ACVR2B: variants seen among roughly 807,000 people sequenced by gnomAD.
The protein encoded by ACVR2B is activin receptor type-2B.
In ACVR2B, 18 loss-of-function variants were observed where a neutral mutation model predicts 65.1. That is an observed-to-expected ratio of 0.28 (90% CI 0.19 to 0.41). The LOEUF (loss-of-function observed/expected upper bound fraction) is 0.41. Among genes scored for constraint, ACVR2B ranks in the 10% least tolerant of loss-of-function variants. The pLI, the probability that ACVR2B is intolerant of heterozygous loss-of-function variation, is 1.00. For missense variants in ACVR2B, 482 were observed against 682.7 expected (o/e 0.71, Z 3.28); for synonymous variants, 298 against 277.7 (o/e 1.07, Z -0.73).
In ACVR2B at chr3:38,490,593, C is replaced by T. The variant is rs1451429889; in HGVS notation, c.*7261C>T. 6.6e-6 allele frequency: 1 copy of T among 152,516 alleles called. No homozygotes were observed. Among genetic ancestry groups the T allele is most frequent in the Non-Finnish European group, 1.5e-5 (1 of 68,008 alleles). 9.4% of individuals were successfully genotyped at this position (152,516 alleles called of 1,614,324 possible). On this transcript the variant is annotated 3_prime_UTR_variant, in exon 11 of 11. Transcript: ENST00000352511. ...AGCAACTGCTGTAAGCTTTTTTCTACTTGTCTTTTCTAGTCCCCAACCTCT... is the reference window on the plus strand; with the variant it reads ...AGCAACTGCTGTAAGCTTTTTTCTATTTGTCTTTTCTAGTCCCCAACCTCT...
rs753752958 is a variant in ACVR2B at position 38,478,371 on chromosome 3, C to A, written c.523-4C>A. ...AGACCTTTTTAAGCCTTGCTCTCCC[C>A]CAGGACCCTGGGCCTCCACCACCAT... On this transcript the variant is annotated splice_polypyrimidine_tract_variant and splice_region_variant and intron_variant, in intron 4 of 10. Coordinates refer to ENST00000352511, the MANE Select transcript of ACVR2B (RefSeq NM_001106.4). 2.5e-6 allele frequency: 4 copies of A among 1,613,958 alleles called. No homozygotes were observed. The highest frequency in any genetic ancestry group is 1.7e-6 in the Non-Finnish European group (2 of 1,179,988).
In ACVR2B at chr3:38,477,664, C is replaced by T. The variant is rs1258651383; in HGVS notation, c.260+170C>T. ...CCACACCCTATTTGTCCTACCTTAG[C>T]CCTGAGGAGGGGTCTCAGTGTCAAC... On this transcript the variant is annotated intron_variant, in intron 2 of 10. Transcript: ENST00000352511. The surrounding 1 kb of genome is among the most constrained non-coding windows in gnomAD (Gnocchi z 6.7). Among the ~76,000 whole-genome samples the T allele has an allele frequency of 2.0e-5, 3 of 152,170 alleles. No individual in the cohort carries two copies. The highest frequency in any genetic ancestry group is 4.4e-5 in the Non-Finnish European group (3 of 68,032).
At chr3:38,479,579 G>A (rs769081603) in intron 6 of ACVR2B, 99 bp from the exon 7 acceptor site, 17 of 1,420,190 alleles carry the variant, frequency 1.2e-5, no homozygotes, top group Non-Finnish European at 1.7e-5. Context: ...CAGGAGAGCA[G>A]CCTAGCCATT....
chr3:38,492,707 G>T lies in ACVR2B; in HGVS notation c.*9375G>T, dbSNP rs778215251. The T allele has an allele frequency of 7.1e-6, 1 of 139,896 alleles. No individual in the cohort carries two copies. Among genetic ancestry groups the T allele is most frequent in the African/African-American group, 2.6e-5 (1 of 38,384 alleles). The allele number at this position is 139,896 out of a possible 1,614,324, so 8.7% of individuals were successfully genotyped here. A position where few individuals can be genotyped will look rare whatever the true frequency, so the allele number is the denominator to read the frequency against. On this transcript the variant is annotated 3_prime_UTR_variant, in exon 11 of 11. Transcript: ENST00000352511. ...CTGTTACCCTGTCTGGATTTGAAAA[G>T]TGTGCTGATTTATATATATATATTA...
chr3:38,460,949 A>C (rs973465401), intron 1 of ACVR2B, among the ~76,000 whole-genome samples: 1 of 152,216 alleles, frequency 6.6e-6, no homozygotes, highest in African/African-American at 2.4e-5. Flanking sequence ...GCTGCTTCCC[A>C]GGTTTGTGCC....
In ACVR2B at chr3:38,483,150, C is replaced by G. The variant is rs1710048229; in HGVS notation, c.1357C>G (p.Leu453Val). 2.5e-6 allele frequency: 4 copies of G among 1,614,188 alleles called. No homozygotes were observed. The highest frequency in any genetic ancestry group is 1.6e-4 in the Middle Eastern group (1 of 6,062). The part of the protein sequence containing the change: ...HWLKHPGLAQ[L>V]CVTIEECWDH... ...CTATGCTGCTTAGGGCCTGGCCCAGCTTTGTGTGACCATCGAGGAGTGCTG... is the reference window on the plus strand; with the variant it reads ...CTATGCTGCTTAGGGCCTGGCCCAGGTTTGTGTGACCATCGAGGAGTGCTG... The change falls in exon 11 of 11, where the codon CTT (leucine) becomes GTT (valine). Residue 453 changes from leucine (L) to valine (V), a missense_variant. Coordinates refer to ENST00000352511, the MANE Select transcript of ACVR2B (RefSeq NM_001106.4). This position sits in a 1 kb window ranked among gnomAD's most constrained non-coding sequence, Gnocchi z 4.8.
chr3:38,460,478 G>T (rs1353021366), intron 1 of ACVR2B, among the ~76,000 whole-genome samples: 3 of 152,190 alleles, frequency 2.0e-5, no homozygotes, highest in Non-Finnish European at 2.9e-5. Flanking sequence ...TTGTTCAAGG[G>T]TCAGCCATGT....
At chr3:38,472,164 A>G (rs1709829140) in intron 1 of ACVR2B, among the ~76,000 whole-genome samples, 1 of 152,100 alleles carries the variant, frequency 6.6e-6, no homozygotes, top group Non-Finnish European at 1.5e-5. Flanking sequence ...GGTTCCCTCC[A>G]TCTCTACACC....
chr3:38,476,474 C>G (rs79380850), intron 1 of ACVR2B: 10,563 of 152,356 alleles, frequency 0.069, 1,010 homozygotes, highest in African/African-American at 0.2. Flanking sequence ...GAGGCTTACC[C>G]TGTACACGCA....
chr3:38,481,637 G>A lies in ACVR2B; in HGVS notation c.1074+172G>A, dbSNP rs1220124852. ...CCAGTGGAGAAACCAAGACCAGGAAGGCAGTGTAGTTTAGCTTCCGTAGGA... is the reference window on the plus strand; with the variant it reads ...CCAGTGGAGAAACCAAGACCAGGAAAGCAGTGTAGTTTAGCTTCCGTAGGA... On this transcript the variant is annotated intron_variant, in intron 8 of 10. Coordinates refer to ENST00000352511, the MANE Select transcript of ACVR2B (RefSeq NM_001106.4). The surrounding 1 kb of genome is among the most constrained non-coding windows in gnomAD (Gnocchi z 4.7). Among the ~76,000 whole-genome samples, 1 of 152,236 alleles carries A rather than the reference G, an allele frequency of 6.6e-6. No homozygotes were observed. Among genetic ancestry groups the A allele is most frequent in the African/African-American group, 2.4e-5 (1 of 41,452 alleles).
chr3:38,454,621 G>T (rs956848412), intron 1 of ACVR2B: 4 of 333,828 alleles, frequency 1.2e-5, no homozygotes, highest in Non-Finnish European at 1.1e-5. Context: ...TGCGATGGGG[G>T]CCGGGACGCG....
intron 1 of ACVR2B, chr3:38,459,769 C>T (rs1442985081): frequency 2.7e-6 from 2 of 746,786 alleles, no homozygotes; most frequent in Non-Finnish European, 3.3e-6. Flanking sequence ...TGCTGTGGAC[C>T]TGGGGAGGTG....
rs935155509 is a variant in ACVR2B, at chr3:38,481,725, A to G, written c.1074+260A>G. Among the ~76,000 whole-genome samples, 2 of 152,270 alleles carry G rather than the reference A, an allele frequency of 1.3e-5. No homozygotes were observed. The highest frequency in any genetic ancestry group is 4.8e-5 in the African/African-American group (2 of 41,470). Reference sequence around the variant, plus strand: ...TTTGACCACTAGTCCTTGCAATCTTAGTCTTTCTCTCACTTTTTTAGTTTT... The same window carrying G: ...TTTGACCACTAGTCCTTGCAATCTTGGTCTTTCTCTCACTTTTTTAGTTTT... On this transcript the variant is annotated intron_variant, in intron 8 of 10. Coordinates refer to ENST00000352511, the MANE Select transcript of ACVR2B (RefSeq NM_001106.4). The surrounding 1 kb of genome is among the most constrained non-coding windows in gnomAD (Gnocchi z 4.7).
intron 1 of ACVR2B, among the ~76,000 whole-genome samples, chr3:38,472,773 C>T (rs1404168326): frequency 6.6e-6 from 1 of 152,136 alleles, no homozygotes; most frequent in Non-Finnish European, 1.5e-5. Context: ...CACCTCTGAA[C>T]CATCTCCTCT....
chr3:38,469,521 G>T (rs1436545773), intron 1 of ACVR2B, among the ~76,000 whole-genome samples: 1 of 152,160 alleles, frequency 6.6e-6, no homozygotes. Flanking sequence ...GGTAGGGTTG[G>T]GGTTGGGGTA....
chr3:38,464,566 G>A (rs955364529), intron 1 of ACVR2B, among the ~76,000 whole-genome samples: 2 of 119,182 alleles, frequency 1.7e-5, no homozygotes, highest in African/African-American at 5.1e-5. Context: ...CTAGGGTGAT[G>A]ATTTTGGTAT....
Position 38,482,421 on chromosome 3 carries a change from T to C in ACVR2B, c.1214-9T>C, listed in dbSNP as rs1421247671. ...AGAGTGATCCTGCCAGGCTCTCTCT[T>C]TCTCCTAGGACCCGTGGATGAGTAC... On this transcript the variant is annotated splice_polypyrimidine_tract_variant and intron_variant, in intron 9 of 10. Transcript: ENST00000352511. The C allele has an allele frequency of 6.2e-7, 1 of 1,611,626 alleles. No homozygotes were observed. Among genetic ancestry groups the C allele is most frequent in the African/African-American group, 1.4e-5 (1 of 73,966 alleles).
rs2059821977 is a variant in ACVR2B, at chr3:38,492,789, CA to C, written c.*9458del. The C allele has an allele frequency of 1.4e-4, 8 of 55,276 alleles. No homozygotes were observed. The highest frequency in any genetic ancestry group is 6.5e-4 in the East Asian group (1 of 1,548). 3.4% of individuals were successfully genotyped at this position (55,276 alleles called of 1,614,324 possible). On this transcript the variant is annotated 3_prime_UTR_variant, in exon 11 of 11. Coordinates refer to ENST00000352511, the MANE Select transcript of ACVR2B (RefSeq NM_001106.4). ...ACACACACACACACACACACACACA[CA>C]CACACACACACACATACACCTAAAA...
intron 1 of ACVR2B, among the ~76,000 whole-genome samples, chr3:38,470,670 A>G (rs182434795): frequency 3.1e-4 from 47 of 152,366 alleles, no homozygotes; most frequent in Admixed American, 2.8e-3. Flanking sequence ...GAACAGTGAC[A>G]CTAAATACGG....
Sources: gnomAD v4.1 joint callset for allele counts (sites outside exome capture counted in the v4.1 genomes callset) on GRCh38, gnomAD v4.1.1 for gene constraint, Gnocchi (gnomAD v3.1) non-coding constraint, MANE v1.5 for transcripts, NCBI Gene and HGNC (gene_info 2026-07-23, HGNC 2026-07-21) for gene names.